Variants in SERAC1 observed in about 807,000 individuals in gnomAD.
The protein encoded by SERAC1 is serine active site containing 1.
A neutral mutation model predicts 85.7 loss-of-function variants in SERAC1; 36 were observed. The observed-to-expected ratio is 0.42, with a 90% CI of 0.32 to 0.55. SERAC1 has a LOEUF of 0.55. Ranked by LOEUF, SERAC1 falls within the 20% of genes least tolerant of loss-of-function variation. The pLI, the probability that SERAC1 is intolerant of heterozygous loss-of-function variation, is 0.11. For synonymous variants in SERAC1, 242 were observed against 265.3 expected (o/e 0.91, Z 0.85); for missense variants, 629 against 796.2 (o/e 0.79, Z 2.53).
chr6:158,167,964 CAGAG>C lies in SERAC1; in HGVS notation c.-2+172_-2+175del, dbSNP rs1261047455. Reference sequence around the variant, plus strand: ...AAAGACGAGTCAGGCTCGCGACCACCAGAGAGAGAGGCCCTCACGCCCAGCCGAG... The same window carrying C: ...AAAGACGAGTCAGGCTCGCGACCACCAGAGAGGCCCTCACGCCCAGCCGAG... On this transcript the variant is annotated intron_variant, in intron 1 of 16. Transcript: ENST00000647468. Among the ~76,000 whole-genome samples, 3 of 152,186 alleles carry C rather than the reference CAGAG, an allele frequency of 2.0e-5. No individual in the cohort carries two copies. The South Asian group carries it at 6.2e-4, about 32-fold the overall frequency.
chr6:158,159,511 A>T (rs1785435146), intron 1 of SERAC1, among the ~76,000 whole-genome samples: 1 of 151,968 alleles, frequency 6.6e-6, no homozygotes, highest in Admixed American at 6.6e-5. Flanking sequence ...TTTCAAAAAA[A>T]AAAAAAAAAG....
intron 10 of SERAC1, among the ~76,000 whole-genome samples, chr6:158,125,071 A>G (rs1784510310): frequency 6.6e-6 from 1 of 152,178 alleles, no homozygotes; most frequent in African/African-American, 2.4e-5. Flanking sequence ...GACTGTTCCT[A>G]TGGTTTCAAT....
At position 158,117,563 on chromosome 6, in the gene SERAC1, C is replaced by G. The variant is rs761989601; in HGVS notation, c.1403+164G>C. 114 of 1,551,140 alleles carry G rather than the reference C, an allele frequency of 7.3e-5. No homozygotes were observed. The highest frequency in any genetic ancestry group is 6.7e-4 in the Middle Eastern group (4 of 5,992). The stretch of plus-strand genomic sequence containing the variant: ...CTTCTACTATTCCACTGCTTATTGA[C>G]AGCAAACTCCTTCTAGAAGGAAGAC... On this transcript the variant is annotated intron_variant, in intron 13 of 16. Coordinates refer to ENST00000647468, the MANE Select transcript of SERAC1 (RefSeq NM_032861.4). This position sits in a 1 kb window ranked among gnomAD's most constrained non-coding sequence, Gnocchi z 4.3.
intron 1 of SERAC1, among the ~76,000 whole-genome samples, chr6:158,167,839 C>T (rs1193275722): frequency 6.6e-6 from 1 of 152,140 alleles, no homozygotes; most frequent in Non-Finnish European, 1.5e-5. Flanking sequence ...GCCCTTTCCT[C>T]CTCCTCCTCA....
At chr6:158,113,826 C>T (rs1784208148) in intron 15 of SERAC1, among the ~76,000 whole-genome samples, 1 of 152,096 alleles carries the variant, frequency 6.6e-6, no homozygotes. Flanking sequence ...TTACTGGGGG[C>T]AGGAAGCAGT....
At chr6:158,136,253 A>G (rs61672266) in intron 8 of SERAC1, among the ~76,000 whole-genome samples, 8,564 of 152,280 alleles carry the variant, frequency 0.056, 814 homozygotes, top group African/African-American at 0.2. Context: ...GCATCCATAC[A>G]TATATTAATT....
rs1379040938 is a variant in SERAC1, at chr6:158,119,234, A to G, written c.1167-64T>C. 4.5e-5 allele frequency: 69 copies of G among 1,518,196 alleles called. No homozygotes were observed. The highest frequency in any genetic ancestry group is 5.3e-5 in the Non-Finnish European group (60 of 1,121,516). The allele number at this position is 1,518,196 out of a possible 1,614,324, so 94.0% of individuals were successfully genotyped here. A position where few individuals can be genotyped will look rare whatever the true frequency, so the allele number is the denominator to read the frequency against. The stretch of plus-strand genomic sequence containing the variant: ...TGCATTACTGCTTTGGTAAGAATCT[A>G]CACAGCATTCTCTGTGGATGGTGCT... On this transcript the variant is annotated intron_variant, in intron 11 of 16. Transcript: ENST00000647468. The surrounding 1 kb of genome is among the most constrained non-coding windows in gnomAD (Gnocchi z 4.5).
chr6:158,143,309 C>CTA, intron 7 of SERAC1, 125 bp from the exon 8 acceptor site: 1 of 276,388 alleles, frequency 3.6e-6, no homozygotes, highest in Non-Finnish European at 6.6e-6. Context: ...GTGCATGTCT[C>CTA]TCTCTCTCTC....
At position 158,143,157 on chromosome 6, in the gene SERAC1, G is replaced by T. The variant is rs1454643516; in HGVS notation, c.637C>A (p.Gln213Lys). 6.2e-7 allele frequency: 1 copy of T among 1,613,664 alleles called. No homozygotes were observed. The highest frequency in any genetic ancestry group is 1.7e-5 in the Admixed American group (1 of 59,990). Residue 213 changes from glutamine (Q) to lysine (K), a missense_variant, in exon 8 of 17, where the codon CAG (glutamine) becomes AAG (lysine). Coordinates refer to ENST00000647468, the MANE Select transcript of SERAC1 (RefSeq NM_032861.4). ...GTTTGAGGTAAGGAAGCCAGCAACT[G>T]TCTGAGCTCTTCTTCAGTGGAAGAA... ...EDSSTEEELR[Q>K]LLASLPQTEL...
rs1784195755 is a variant in SERAC1, at chr6:158,113,473, G to A, written c.1804C>T (p.His602Tyr). The change falls in exon 16 of 17, where the codon CAT becomes TAT. Residue 602 changes from histidine (H) to tyrosine (Y), a missense_variant. By Grantham distance (83) the His-to-Tyr change is moderately conservative. Coordinates refer to ENST00000647468, the MANE Select transcript of SERAC1 (RefSeq NM_032861.4). ...PTYIGSMIKL[H>Y]VVPVESADLG... ...CCTGCTGATTCCACAGGTACCACAT[G>A]GAGCTTAATCATGCTGCCAATGTAG... 1.2e-6 allele frequency: 2 copies of A among 1,613,920 alleles called. No homozygotes were observed.
intron 10 of SERAC1, among the ~76,000 whole-genome samples, chr6:158,122,773 C>T (rs1328576332): frequency 1.3e-5 from 2 of 152,158 alleles, no homozygotes; most frequent in Non-Finnish European, 2.9e-5. Flanking sequence ...GAGTGAGACG[C>T]TGTCTCAAAG....
rs1784192961 is a variant in SERAC1, at chr6:158,113,380, G to A, written c.1828+69C>T. ...AACTGAGAACCTGGATATAAAAATT[G>A]CTGTTTACAAGTAAATGCTAGGTAT... On this transcript the variant is annotated intron_variant, in intron 16 of 16. Coordinates refer to ENST00000647468, the MANE Select transcript of SERAC1 (RefSeq NM_032861.4). The A allele has an allele frequency of 9.5e-6, 12 of 1,268,214 alleles. No individual in the cohort carries two copies. The South Asian group carries it at 1.5e-4, about 16-fold the overall frequency. The allele number at this position is 1,268,214 out of a possible 1,614,324, so 78.6% of individuals were successfully genotyped here. A position where few individuals can be genotyped will look rare whatever the true frequency, so the allele number is the denominator to read the frequency against.
In SERAC1 at chr6:158,120,597, C is replaced by T; in HGVS notation, c.1016-22G>A. 3 of 1,608,594 alleles carry T rather than the reference C, an allele frequency of 1.9e-6. No homozygotes were observed. The Middle Eastern group carries it at 5.0e-4, about 267-fold the overall frequency. On this transcript the variant is annotated intron_variant, in intron 10 of 16. Transcript: ENST00000647468. The surrounding 1 kb of genome is among the most constrained non-coding windows in gnomAD (Gnocchi z 4.4). ...CAGCCTGGTGAAAAGTACACATATCCTAAATACTGATGTGAATCCATCGCA... is the reference window on the plus strand; with the variant it reads ...CAGCCTGGTGAAAAGTACACATATCTTAAATACTGATGTGAATCCATCGCA...
chr6:158,156,136 A>C (rs1265196081), intron 2 of SERAC1, among the ~76,000 whole-genome samples: 1 of 152,208 alleles, frequency 6.6e-6, no homozygotes, highest in Non-Finnish European at 1.5e-5. Context: ...TCGACAGAGC[A>C]AGACTCCATC....
At chr6:158,150,418 A>G in intron 4 of SERAC1, 35 bp downstream of exon 4, 2 of 1,505,766 alleles carry the variant, frequency 1.3e-6, no homozygotes, top group Non-Finnish European at 1.8e-6. Context: ...ACTAGCTTCC[A>G]TTTTTCACAG....
At chr6:158,113,226 CTCA>C (rs1784188891) in intron 16 of SERAC1, 1 of 466,840 alleles carries the variant, frequency 2.1e-6, no homozygotes, top group Admixed American at 3.7e-5. Context: ...ATTAACCCTT[CTCA>C]TCTAATCAGT....
chr6:158,111,287 G>T lies in SERAC1; in HGVS notation c.*79C>A. On this transcript the variant is annotated 3_prime_UTR_variant, in exon 17 of 17. Coordinates refer to ENST00000647468, the MANE Select transcript of SERAC1 (RefSeq NM_032861.4). ...CTATGATCACTATGTTTGCATGATTGCATAGAGCTTAAAAGAAGAAACAGA... is the reference window on the plus strand; with the variant it reads ...CTATGATCACTATGTTTGCATGATTTCATAGAGCTTAAAAGAAGAAACAGA... The T allele has an allele frequency of 7.7e-7, 1 of 1,296,304 alleles. No homozygotes were observed. 80.3% of individuals were successfully genotyped at this position (1,296,304 alleles called of 1,614,324 possible). A position where few individuals can be genotyped will look rare whatever the true frequency, so the allele number is the denominator to read the frequency against.
chr6:158,161,533 A>T (rs938430781), intron 1 of SERAC1: 2 of 152,072 alleles, frequency 1.3e-5, no homozygotes, highest in Non-Finnish European at 2.9e-5. Context: ...GTTTCTTTGT[A>T]GGCAAAATAA....
At chr6:158,141,199 A>C (rs1018369658) in intron 8 of SERAC1, among the ~76,000 whole-genome samples, 1 of 152,244 alleles carries the variant, frequency 6.6e-6, no homozygotes, top group African/African-American at 2.4e-5. Context: ...ACAAAAGGCC[A>C]CATATTGGAT....
Sources: allele counts gnomAD v4.1 joint callset (sites outside exome capture counted in the v4.1 genomes callset), GRCh38; gene constraint gnomAD v4.1.1; non-coding constraint Gnocchi (gnomAD v3.1); transcripts MANE v1.5; gene names NCBI Gene and HGNC (gene_info 2026-07-23, HGNC 2026-07-21).